KCNQ3: variants seen among roughly 807,000 people sequenced by gnomAD.
KCNQ3 encodes potassium voltage-gated channel subfamily Q member 3.
KCNQ3 carries 30 observed loss-of-function variants against 92.5 expected under a neutral mutation model. That is an observed-to-expected ratio of 0.32 (90% CI 0.24 to 0.44). The LOEUF (loss-of-function observed/expected upper bound fraction) is 0.44. Ranked by LOEUF, KCNQ3 falls within the 20% of genes least tolerant of loss-of-function variation. The pLI, the probability that KCNQ3 is intolerant of heterozygous loss-of-function variation, is 1.00. For missense variants in KCNQ3, 913 were observed against 1,140.3 expected, an observed-to-expected ratio of 0.80 and a Z score of 2.87; for synonymous variants, 450 against 468.8, an observed-to-expected ratio of 0.96 and a Z score of 0.52.
chr8:132,230,196 C>A (rs1441608455), intron 1 of KCNQ3, among the ~76,000 whole-genome samples: 6 of 152,186 alleles, frequency 3.9e-5, no homozygotes, highest in Non-Finnish European at 7.3e-5. Context: ...AAACTGGCTC[C>A]TTTCCATGTC....
intron 1 of KCNQ3, among the ~76,000 whole-genome samples, chr8:132,322,502 T>C (rs1312841009): frequency 1.3e-5 from 2 of 152,124 alleles, no homozygotes; most frequent in African/African-American, 4.8e-5. Context: ...ATGGGCAGAA[T>C]TGAAAAATAG....
intron 1 of KCNQ3, chr8:132,447,184 A>C: frequency 1.2e-5 from 19 of 1,533,712 alleles, no homozygotes; most frequent in Non-Finnish European, 1.7e-5. Context: ...CCCCAAAATG[A>C]GAATCCAAAG....
At chr8:132,458,120 G>A (rs534188580) in intron 1 of KCNQ3, among the ~76,000 whole-genome samples, 5 of 152,288 alleles carry the variant, frequency 3.3e-5, no homozygotes, top group South Asian at 2.1e-4. Context: ...TTGCCACCTG[G>A]TCTAGGTCCT....
intron 1 of KCNQ3, among the ~76,000 whole-genome samples, chr8:132,188,043 A>G (rs930696419): frequency 6.6e-6 from 1 of 152,210 alleles, no homozygotes; most frequent in African/African-American, 2.4e-5. Context: ...ACATTCATCA[A>G]AAAGAATCAC....
Position 132,129,021 on chromosome 8 carries a change from G to C in KCNQ3, c.*241C>G. On this transcript the variant is annotated 3_prime_UTR_variant, in exon 15 of 15. Coordinates refer to ENST00000388996, the MANE Select transcript of KCNQ3 (RefSeq NM_004519.4). The surrounding 1 kb of genome is among the most constrained non-coding windows in gnomAD (Gnocchi z 5.9). ...GCAGATAAATGTGTATCCTAGAAGAGATTAGCGGAACCATTTATATAGTGT... is the reference window on the plus strand; with the variant it reads ...GCAGATAAATGTGTATCCTAGAAGACATTAGCGGAACCATTTATATAGTGT... 1.7e-6 allele frequency: 1 copy of C among 574,686 alleles called. No individual in the cohort carries two copies. Among genetic ancestry groups the C allele is most frequent in the Admixed American group, 3.0e-5 (1 of 33,062 alleles). 35.6% of individuals were successfully genotyped at this position (574,686 alleles called of 1,614,324 possible).
rs1824600083 is a variant in KCNQ3, at chr8:132,124,499, T to A, written c.*4763A>T. The A allele has an allele frequency of 7.4e-6, 1 of 134,818 alleles. No homozygotes were observed. The highest frequency in any genetic ancestry group is 7.3e-5 in the Admixed American group (1 of 13,760). The allele number at this position is 134,818 out of a possible 1,614,324, so 8.4% of individuals were successfully genotyped here. A position where few individuals can be genotyped will look rare whatever the true frequency, so the allele number is the denominator to read the frequency against. On this transcript the variant is annotated 3_prime_UTR_variant, in exon 15 of 15. Transcript: ENST00000388996. ...GCTGAAACTCAAATTTTCTTCCAGG[T>A]CATCTCTGTATGATTCCTCTTTTAC...
intron 1 of KCNQ3, among the ~76,000 whole-genome samples, chr8:132,340,541 C>T (rs1233981317): frequency 6.6e-6 from 1 of 152,118 alleles, no homozygotes; most frequent in African/African-American, 2.4e-5. Context: ...TGTTCTCACT[C>T]ATAAGTGGGA....
intron 1 of KCNQ3, among the ~76,000 whole-genome samples, chr8:132,468,082 C>T (rs6997998): frequency 0.33 from 49,919 of 152,098 alleles, 8,923 homozygotes; most frequent in African/African-American, 0.47. Context: ...ATAAATCCCA[C>T]AAATTGCTGC....
intron 3 of KCNQ3, among the ~76,000 whole-genome samples, chr8:132,183,173 T>A (rs1456604848): frequency 6.6e-6 from 1 of 152,166 alleles, no homozygotes; most frequent in African/African-American, 2.4e-5. Flanking sequence ...ATGAGTAGCA[T>A]GCTCAGAGGA....
chr8:132,281,478 TATGGAATATATGTATAC>T (rs1816510695), intron 1 of KCNQ3, among the ~76,000 whole-genome samples: 1 of 152,116 alleles, frequency 6.6e-6, no homozygotes, highest in Non-Finnish European at 1.5e-5. Flanking sequence ...AGTATGTATA[TATGGAATATATGTATAC>T]ATGGAATATG....
At chr8:132,255,994 C>CAGT (rs1445534076) in intron 1 of KCNQ3, among the ~76,000 whole-genome samples, 1 of 149,896 alleles carries the variant, frequency 6.7e-6, no homozygotes, top group African/African-American at 2.4e-5. Context: ...ACCAAAAAAA[C>CAGT]AGTCAACAGA....
At chr8:132,302,048 C>T (rs1234248259) in intron 1 of KCNQ3, among the ~76,000 whole-genome samples, 1 of 152,160 alleles carries the variant, frequency 6.6e-6, no homozygotes, top group Non-Finnish European at 1.5e-5. Flanking sequence ...GCTGGAAGAC[C>T]AGTCCAGGTT....
chr8:132,294,553 T>C (rs1419473561), intron 1 of KCNQ3, among the ~76,000 whole-genome samples: 1 of 152,190 alleles, frequency 6.6e-6, no homozygotes, highest in African/African-American at 2.4e-5. Flanking sequence ...CTGGGAGATT[T>C]TGAGATTTAC....
intron 1 of KCNQ3, among the ~76,000 whole-genome samples, chr8:132,477,025 T>G (rs958928337): frequency 9.2e-5 from 14 of 152,166 alleles, no homozygotes; most frequent in African/African-American, 3.4e-4. Context: ...TGTGTGGCTC[T>G]TCCCCTTTGT....
In KCNQ3 at chr8:132,134,397, A is replaced by G; in HGVS notation, c.1701-9T>C. The G allele has an allele frequency of 6.4e-7, 1 of 1,570,444 alleles. No homozygotes were observed. The highest frequency in any genetic ancestry group is 8.8e-7 in the Non-Finnish European group (1 of 1,140,248). On this transcript the variant is annotated splice_polypyrimidine_tract_variant and intron_variant, in intron 12 of 14. Coordinates refer to ENST00000388996, the MANE Select transcript of KCNQ3 (RefSeq NM_004519.4). ...TGAAAATCATATCTATTCTGAAAGA[A>G]ACAAACAGAGCAGGGATTAAATTAC... is the stretch of plus-strand genomic sequence containing the variant.
At chr8:132,318,361 T>C (rs1415288797) in intron 1 of KCNQ3, among the ~76,000 whole-genome samples, 1 of 152,214 alleles carries the variant, frequency 6.6e-6, no homozygotes, top group African/African-American at 2.4e-5. Flanking sequence ...TCTAGGGCCC[T>C]TCCAAGTTTA....
At chr8:132,142,478 G>A (rs928876976) in intron 9 of KCNQ3, among the ~76,000 whole-genome samples, 19 of 152,134 alleles carry the variant, frequency 1.2e-4, no homozygotes, top group Non-Finnish European at 2.6e-4. Context: ...CAGGTGCTCT[G>A]TACATGTTAA....
intron 4 of KCNQ3, among the ~76,000 whole-genome samples, chr8:132,176,764 C>T (rs368502463): frequency 6.6e-6 from 1 of 152,224 alleles, no homozygotes; most frequent in African/African-American, 2.4e-5. Context: ...GTTTGCTCCC[C>T]CAATGAAAGA....
chr8:132,165,549 A>G (rs918385431), intron 8 of KCNQ3, among the ~76,000 whole-genome samples: 2 of 152,156 alleles, frequency 1.3e-5, no homozygotes, highest in African/African-American at 4.8e-5. Context: ...GAGACTGAAC[A>G]CTTGCTATGG....
Sources: gnomAD v4.1 joint callset for allele counts (sites outside exome capture counted in the v4.1 genomes callset) on GRCh38, gnomAD v4.1.1 for gene constraint, Gnocchi (gnomAD v3.1) non-coding constraint, MANE v1.5 for transcripts, NCBI Gene and HGNC (gene_info 2026-07-23, HGNC 2026-07-21) for gene names.